Variants in IL18R1 observed in about 807,000 individuals in gnomAD.
IL18R1 encodes the protein interleukin 18 receptor 1.
Under a neutral mutation model 48.5 loss-of-function variants are expected in IL18R1, and 40 were observed. The observed-to-expected ratio is 0.82, with a 90% CI of 0.64 to 1.07. The LOEUF is 1.07. IL18R1 is among the 50% of genes least tolerant of loss of function. The probability of loss-of-function intolerance (pLI) is 0.00; values close to 1 mark genes in which losing one functional copy is unlikely to be tolerated. For missense variants in IL18R1, 596 were observed against 633.7 expected, an observed-to-expected ratio of 0.94 and a Z score of 0.64; for synonymous variants, 232 against 225.9, an observed-to-expected ratio of 1.03 and a Z score of -0.24.
chr2:102,379,245 A>C (rs1679776465), intron 5 of IL18R1, among the ~76,000 whole-genome samples: 1 of 152,134 alleles, frequency 6.6e-6, no homozygotes, highest in African/African-American at 2.4e-5. Context: ...GGAGTTCGGG[A>C]CAGGCCTGGC....
chr2:102,376,028 A>T lies in IL18R1; in HGVS notation c.590A>T (p.Asn197Ile). The change falls in exon 5 of 11, where the codon AAT becomes ATT. Residue 197 changes from asparagine to isoleucine, a missense_variant. Coordinates refer to ENST00000233957, the MANE Select transcript of IL18R1 (RefSeq NM_003855.5). ...HFLHHNGKLF[N>I]ITKTFNITIV... The stretch of plus-strand genomic sequence containing the variant: ...CTTCATCATAATGGAAAACTATTTA[A>T]TATCACCAAAACCTTCAATATAACA... 1 of 1,602,980 alleles carries T rather than the reference A, an allele frequency of 6.2e-7. No homozygotes were observed. Among genetic ancestry groups the T allele is most frequent in the East Asian group, 2.2e-5 (1 of 44,596 alleles).
rs57492319 is a variant in IL18R1 at position 102,374,777 on chromosome 2, CAA to C, written c.469-1118_469-1117del. Among the ~76,000 whole-genome samples the C allele has an allele frequency of 2.4e-4, 33 of 139,234 alleles. 1 individual carries two copies. Among genetic ancestry groups the C allele is most frequent in the East Asian group, 1.0e-3 (5 of 4,826 alleles). 91.3% of individuals were successfully genotyped at this position (139,234 alleles called of 152,430 possible). On this transcript the variant is annotated intron_variant, in intron 4 of 10. Transcript: ENST00000233957. ...TAGGGGAGAGAGCGATACTCCGTCT[CAA>C]AAAAAAAAAAATGAAATTCCAAAGT...
At position 102,384,876 on chromosome 2, in the gene IL18R1, A is replaced by G; in HGVS notation, c.689-2A>G. On this transcript the variant is annotated splice_acceptor_variant, in intron 6 of 10. Coordinates refer to ENST00000233957, the MANE Select transcript of IL18R1 (RefSeq NM_003855.5). LOFTEE classifies it high-confidence loss of function. ...AGAACTTTAGTTGCCAACTTTTACC[A>G]GGAAAAAACGTAAGGCTCAACTGCT... 3 of 1,606,174 alleles carry G rather than the reference A, an allele frequency of 1.9e-6. No homozygotes were observed. Among genetic ancestry groups the G allele is most frequent in the Non-Finnish European group, 2.5e-6 (3 of 1,177,170 alleles).
At chr2:102,366,282 G>A (rs565589942) in intron 2 of IL18R1, among the ~76,000 whole-genome samples, 2 of 152,160 alleles carry the variant, frequency 1.3e-5, no homozygotes, top group African/African-American at 4.8e-5. Context: ...CTAGGACAAG[G>A]GCAAAATGCA....
intron 5 of IL18R1, among the ~76,000 whole-genome samples, chr2:102,380,927 G>A (rs994992919): frequency 1.4e-4 from 21 of 152,208 alleles, no homozygotes; most frequent in African/African-American, 1.9e-4. Flanking sequence ...ATCTATGACC[G>A]CAGCTGCTCT....
At chr2:102,372,932 G>A (rs1474222934) in intron 4 of IL18R1, among the ~76,000 whole-genome samples, 1 of 152,162 alleles carries the variant, frequency 6.6e-6, no homozygotes, top group Admixed American at 6.5e-5. Flanking sequence ...GAGGCTGTGA[G>A]CATGTTTTTA....
intron 5 of IL18R1, among the ~76,000 whole-genome samples, chr2:102,381,198 T>C (rs1393548041): frequency 6.6e-6 from 1 of 152,120 alleles, no homozygotes; most frequent in Non-Finnish European, 1.5e-5. Context: ...GGTGGGCACA[T>C]AGAGTGAGGG....
At chr2:102,368,754 A>G (rs925682594) in intron 3 of IL18R1, among the ~76,000 whole-genome samples, 5 of 152,140 alleles carry the variant, frequency 3.3e-5, no homozygotes, top group African/African-American at 1.2e-4. Context: ...TTCTTTTTAG[A>G]TGTACCTACC....
At chr2:102,358,080 G>A (rs1678358854) in intron 1 of IL18R1, among the ~76,000 whole-genome samples, 1 of 152,144 alleles carries the variant, frequency 6.6e-6, no homozygotes, top group African/African-American at 2.4e-5. Flanking sequence ...TGTTGCTAAT[G>A]AGTGATTTAT....
At chr2:102,396,260 T>C (rs960095636) in intron 10 of IL18R1, among the ~76,000 whole-genome samples, 4 of 152,156 alleles carry the variant, frequency 2.6e-5, no homozygotes, top group Admixed American at 1.3e-4. Flanking sequence ...ATCTTCTCTG[T>C]AGCGTATTAT....
chr2:102,365,513 T>A (rs921551425), intron 2 of IL18R1, among the ~76,000 whole-genome samples: 7 of 152,178 alleles, frequency 4.6e-5, no homozygotes, highest in African/African-American at 1.7e-4. Context: ...GTTGAGTTTC[T>A]GGGCTTTTTC....
rs774568545 is a variant in IL18R1, at chr2:102,371,983, C to T, written c.333C>T (p.Val111=). 4.8e-5 allele frequency: 75 copies of T among 1,565,094 alleles called. No individual in the cohort carries two copies. In the South Asian group the frequency reaches 8.2e-4, roughly 17 times the overall value. ...KNYTQKWKLN[V]IRRNKHSCFT... ...ATACTCAGAAATGGAAATTAAATGT[C>T]ATCAGAAGAAATAAACACAGCTGTT... is the stretch of plus-strand genomic sequence containing the variant. The change falls in exon 4 of 11, where the codon GTC becomes GTT. Residue 111 remains valine (V), a synonymous_variant. Coordinates refer to ENST00000233957, the MANE Select transcript of IL18R1 (RefSeq NM_003855.5).
Position 102,396,931 on chromosome 2 carries a change from G to A in IL18R1, c.*45G>A. On this transcript the variant is annotated 3_prime_UTR_variant, in exon 11 of 11. Transcript: ENST00000233957. ...CCAAAAAGAACTCAAGATATTCTGG[G>A]GACTGAGCATATGAACCTGTTCATA... is the stretch of plus-strand genomic sequence containing the variant. 1 of 1,203,804 alleles carries A rather than the reference G, an allele frequency of 8.3e-7. No homozygotes were observed. The highest frequency in any genetic ancestry group is 1.2e-6 in the Non-Finnish European group (1 of 847,114). The allele number at this position is 1,203,804 out of a possible 1,614,324, so 74.6% of individuals were successfully genotyped here. A position where few individuals can be genotyped will look rare whatever the true frequency, so the allele number is the denominator to read the frequency against.
chr2:102,363,036 G>T, intron 2 of IL18R1: 1 of 190,434 alleles, frequency 5.3e-6, no homozygotes, highest in Admixed American at 5.9e-5. Flanking sequence ...TCATTATTTA[G>T]GTAATAATGA....
chr2:102,389,044 A>T (rs182505273), intron 8 of IL18R1, among the ~76,000 whole-genome samples: 261 of 152,308 alleles, frequency 1.7e-3, no homozygotes, highest in African/African-American at 5.8e-3. Flanking sequence ...TTGCAAATGT[A>T]TATGCATATA....
At position 102,367,811 on chromosome 2, in the gene IL18R1, C is replaced by T. The variant is rs773335447; in HGVS notation, c.59-14C>T. 9 of 1,602,704 alleles carry T rather than the reference C, an allele frequency of 5.6e-6. No homozygotes were observed. The highest frequency in any genetic ancestry group is 6.8e-6 in the Non-Finnish European group (8 of 1,172,444). On this transcript the variant is annotated splice_polypyrimidine_tract_variant and intron_variant, in intron 2 of 10. Coordinates refer to ENST00000233957, the MANE Select transcript of IL18R1 (RefSeq NM_003855.5). ...TTTTGTTTTTATTTATTTTACTTTA[C>T]TAATCTTTTGAAGAATCTTGTACTT...
At chr2:102,366,193 G>T (rs749961438) in intron 2 of IL18R1, among the ~76,000 whole-genome samples, 13 of 152,072 alleles carry the variant, frequency 8.5e-5, no homozygotes, top group Admixed American at 1.3e-4. Flanking sequence ...CTTATGCTCT[G>T]TCACCTCTTG....
intron 2 of IL18R1, 123 bp from the exon 3 acceptor site, chr2:102,367,702 G>A (rs1190497133): frequency 7.6e-6 from 6 of 789,140 alleles, no homozygotes; most frequent in East Asian, 2.7e-5. Context: ...AATTGACACC[G>A]AGATTTCTCA....
At chr2:102,388,914 C>T (rs1350894033) in intron 8 of IL18R1, among the ~76,000 whole-genome samples, 1 of 152,078 alleles carries the variant, frequency 6.6e-6, no homozygotes, top group African/African-American at 2.4e-5. Flanking sequence ...CGTTTATGCT[C>T]ATTGACCTAG....
Sources: gnomAD v4.1 joint callset for allele counts (sites outside exome capture counted in the v4.1 genomes callset) on GRCh38, gnomAD v4.1.1 for gene constraint, MANE v1.5 for transcripts, NCBI Gene and HGNC (gene_info 2026-07-23, HGNC 2026-07-21) for gene names.